Variants in TOX observed in about 807,000 individuals in gnomAD.
The protein encoded by TOX is thymocyte selection-associated high mobility group box protein TOX.
In TOX, 11 loss-of-function variants were observed where a neutral mutation model predicts 53.7. That is an observed-to-expected ratio of 0.20 (90% confidence interval 0.13 to 0.34). The LOEUF (loss-of-function observed/expected upper bound fraction) is 0.34, where lower values mean the gene tolerates loss of function less well. Among genes scored for constraint, TOX ranks in the 10% least tolerant of loss-of-function variants. The probability of loss-of-function intolerance (pLI) is 1.00; values close to 1 mark genes in which losing one functional copy is unlikely to be tolerated. For synonymous variants in TOX, 225 were observed against 245.3 expected, an observed-to-expected ratio of 0.92 and a Z score of 0.77; for missense variants, 570 against 664.6, an observed-to-expected ratio of 0.86 and a Z score of 1.56.
At chr8:59,102,439 G>A (rs1368552620) in intron 1 of TOX, among the ~76,000 whole-genome samples, 4 of 152,136 alleles carry the variant, frequency 2.6e-5, no homozygotes, top group Non-Finnish European at 4.4e-5. Flanking sequence ...TGTTGGCCAG[G>A]CTGATCTCAA....
At position 59,017,128 on chromosome 8, in the gene TOX, T is replaced by G. The variant is rs144216332; in HGVS notation, c.103-57120A>C. ...CCTCCACCAGGCTGCGAGGACATCG[T>G]CTAGCTTATCTAAACAATTCTAAGG... On this transcript the variant is annotated intron_variant, in intron 1 of 8. Coordinates refer to ENST00000361421, the MANE Select transcript of TOX (RefSeq NM_014729.3). 2.4e-3 allele frequency among the ~76,000 whole-genome samples: 359 copies of G among 152,370 alleles called. 1 individual carries two copies. The highest frequency in any genetic ancestry group is 3.8e-3 in the Non-Finnish European group (259 of 68,022).
At chr8:58,827,682 G>A (rs1178471388) in intron 5 of TOX, among the ~76,000 whole-genome samples, 4 of 152,152 alleles carry the variant, frequency 2.6e-5, no homozygotes, top group Non-Finnish European at 4.4e-5. Context: ...GAAAATAAAA[G>A]CAAAATCATC....
At chr8:59,106,923 T>C (rs1804915807) in intron 1 of TOX, among the ~76,000 whole-genome samples, 2 of 152,064 alleles carry the variant, frequency 1.3e-5, no homozygotes, top group African/African-American at 2.4e-5. Context: ...TGGCAAGCTA[T>C]GTGATGTCAT....
At chr8:58,827,219 G>T (rs1810380348) in intron 5 of TOX, among the ~76,000 whole-genome samples, 1 of 152,120 alleles carries the variant, frequency 6.6e-6, no homozygotes, top group African/African-American at 2.4e-5. Flanking sequence ...GGTTCCCAGG[G>T]AAACCACATG....
chr8:58,938,644 C>G (rs1178866705), intron 3 of TOX, among the ~76,000 whole-genome samples: 1 of 152,158 alleles, frequency 6.6e-6, no homozygotes, highest in African/African-American at 2.4e-5. Context: ...AACCACTGGA[C>G]TCCCTGGGTA....
intron 6 of TOX, among the ~76,000 whole-genome samples, chr8:58,818,969 C>T (rs890576821): frequency 2.0e-5 from 3 of 152,212 alleles, no homozygotes; most frequent in African/African-American, 7.2e-5. Flanking sequence ...TGAGGAAAAA[C>T]CTGCTTCTGG....
intron 1 of TOX, among the ~76,000 whole-genome samples, chr8:59,068,490 A>C (rs1417996923): frequency 6.6e-6 from 1 of 151,974 alleles, no homozygotes; most frequent in Non-Finnish European, 1.5e-5. Flanking sequence ...GAAGAGATGG[A>C]GCAGAATAAG....
chr8:59,100,600 T>G (rs984138938), intron 1 of TOX, among the ~76,000 whole-genome samples: 1 of 152,234 alleles, frequency 6.6e-6, no homozygotes, highest in African/African-American at 2.4e-5. Flanking sequence ...GGAATTATTT[T>G]GTAAGCAATT....
chr8:58,838,699 CTT>C (rs35347981), intron 4 of TOX, among the ~76,000 whole-genome samples: 935 of 88,826 alleles, frequency 0.011, 14 homozygotes, highest in African/African-American at 0.028. Context: ...TTATCCTTGT[CTT>C]TTTTTTTTTT....
At chr8:58,843,502 T>C (rs1457413618) in intron 4 of TOX, among the ~76,000 whole-genome samples, 1 of 152,218 alleles carries the variant, frequency 6.6e-6, no homozygotes, top group Non-Finnish European at 1.5e-5. Flanking sequence ...AAATGTACTT[T>C]GGAGGGAATT....
chr8:59,069,902 T>C (rs910910894), intron 1 of TOX, among the ~76,000 whole-genome samples: 4 of 152,062 alleles, frequency 2.6e-5, no homozygotes, highest in African/African-American at 9.7e-5. Context: ...GCCTAAGAAG[T>C]GTGAAGGGCA....
At chr8:59,043,441 T>C (rs1803629755) in intron 1 of TOX, among the ~76,000 whole-genome samples, 1 of 151,812 alleles carries the variant, frequency 6.6e-6, no homozygotes, top group African/African-American at 2.4e-5. Flanking sequence ...AAATAAATTA[T>C]AGGAAAAAAT....
intron 3 of TOX, among the ~76,000 whole-genome samples, chr8:58,938,809 C>T (rs1354423311): frequency 6.6e-6 from 1 of 152,146 alleles, no homozygotes; most frequent in Non-Finnish European, 1.5e-5. Flanking sequence ...ATTTTGATCA[C>T]CAGAATTATA....
chr8:58,915,145 A>G (rs1585898601), intron 3 of TOX, among the ~76,000 whole-genome samples: 1 of 151,654 alleles, frequency 6.6e-6, no homozygotes, highest in African/African-American at 2.4e-5. Context: ...ACCATTGCCC[A>G]GGCTTGCTTA....
At chr8:58,995,585 A>G (rs1813546172) in intron 1 of TOX, among the ~76,000 whole-genome samples, 1 of 152,236 alleles carries the variant, frequency 6.6e-6, no homozygotes, top group Admixed American at 6.5e-5. Context: ...CCCTCTGGAT[A>G]ACACAGACAA....
chr8:58,872,421 G>A (rs1811214516), intron 3 of TOX, among the ~76,000 whole-genome samples: 1 of 151,960 alleles, frequency 6.6e-6, no homozygotes, highest in Non-Finnish European at 1.5e-5. Flanking sequence ...AACATGGGCT[G>A]AATATAATAA....
chr8:58,972,245 C>T (rs758855426), intron 1 of TOX, among the ~76,000 whole-genome samples: 13 of 152,036 alleles, frequency 8.6e-5, no homozygotes, highest in African/African-American at 2.9e-4. Context: ...ATTTGGCTAA[C>T]GTTAAAGTTA....
At chr8:59,048,563 AG>A (rs1803730551) in intron 1 of TOX, among the ~76,000 whole-genome samples, 1 of 152,200 alleles carries the variant, frequency 6.6e-6, no homozygotes, top group Non-Finnish European at 1.5e-5. Flanking sequence ...AAGGCAACAG[AG>A]GAAGTTTTCT....
intron 1 of TOX, among the ~76,000 whole-genome samples, chr8:58,998,617 T>C (rs1333784419): frequency 1.2e-5 from 1 of 82,764 alleles, no homozygotes; most frequent in Non-Finnish European, 3.2e-5. Flanking sequence ...AATAAATTTA[T>C]ATAATAATAT....
Sources: allele counts gnomAD v4.1 joint callset (sites outside exome capture counted in the v4.1 genomes callset), GRCh38; gene constraint gnomAD v4.1.1; transcripts MANE v1.5; gene names NCBI Gene and HGNC (gene_info 2026-07-23, HGNC 2026-07-21).